The following AKIP1 variants were observed in gnomAD, a reference collection of about 807,000 sequenced individuals.
AKIP1 encodes the protein A-kinase interacting protein 1.
AKIP1 carries 18 observed loss-of-function variants against 22.3 expected under a neutral mutation model. The ratio of observed to expected loss-of-function variants is 0.81; its 90% CI spans 0.56 to 1.19. AKIP1 has a LOEUF of 1.19. AKIP1 is among the 50% of genes most tolerant of loss of function. AKIP1 has a pLI of 0.00. For missense variants in AKIP1, 287 were observed against 264.6 expected, an observed-to-expected ratio of 1.08 and a Z score of -0.59; for synonymous variants, 120 against 102.7, an observed-to-expected ratio of 1.17 and a Z score of -1.02.
At chr11:8,917,491 C>T (rs1298322158) in intron 5 of AKIP1, 124 bp downstream of exon 5, 2 of 790,980 alleles carry the variant, frequency 2.5e-6, no homozygotes. Context: ...GATGTTCTTA[C>T]ACTTAAGAAG....
At chr11:8,914,585 G>A (rs749496399) in intron 3 of AKIP1, among the ~76,000 whole-genome samples, 7 of 152,164 alleles carry the variant, frequency 4.6e-5, no homozygotes, top group Non-Finnish European at 8.8e-5. Context: ...GTTAGCCAGC[G>A]TTCTTGCCCT....
intron 5 of AKIP1, among the ~76,000 whole-genome samples, chr11:8,918,287 T>G (rs954433942): frequency 6.6e-6 from 1 of 152,220 alleles, no homozygotes; most frequent in African/African-American, 2.4e-5. Context: ...GTCATACACA[T>G]TTACGTCAGT....
chr11:8,916,320 CA>C (rs2064485563), intron 4 of AKIP1, among the ~76,000 whole-genome samples: 1 of 152,076 alleles, frequency 6.6e-6, no homozygotes, highest in Admixed American at 6.6e-5. Flanking sequence ...TCTCTTTTAA[CA>C]AAATACTTTT....
intron 2 of AKIP1, 144 bp downstream of exon 2, chr11:8,911,815 C>A: frequency 1.3e-6 from 1 of 791,704 alleles, no homozygotes; most frequent in East Asian, 2.8e-5. Context: ...ATGGAAAAGT[C>A]CTTTCAAAAC....
intron 5 of AKIP1, 111 bp from the exon 6 acceptor site, chr11:8,919,226 A>G: frequency 1.9e-6 from 2 of 1,041,708 alleles, no homozygotes; most frequent in South Asian, 1.6e-5. Flanking sequence ...TGTCTCCCAC[A>G]TTAGCGCTTC....
At chr11:8,911,267 A>C (rs977795725) in intron 1 of AKIP1, 44 bp downstream of exon 1, 2 of 596,972 alleles carry the variant, frequency 3.4e-6, no homozygotes, top group Non-Finnish European at 2.9e-6. Context: ...ATGAAAATGG[A>C]AGGGGCGGGC....
intron 1 of AKIP1, 88 bp downstream of exon 1, chr11:8,911,311 G>C: frequency 1.3e-6 from 1 of 763,220 alleles, no homozygotes; most frequent in South Asian, 1.8e-5. Context: ...GCTCCCGCTG[G>C]AGTGTGCGTT....
rs1051263698 is a variant in AKIP1, at chr11:8,911,224, G to A, written c.-7+1G>A. On this transcript the variant is annotated splice_donor_variant, in intron 1 of 5. Coordinates refer to ENST00000309377, the MANE Select transcript of AKIP1 (RefSeq NM_020642.4). LOFTEE classifies it low-confidence loss of function (5UTR_SPLICE). ...GCATGCGCCTTGACGAGTGAGCCGG[G>A]TGAGGGGGCTCCCTAAGTAGCGGAA... 1.4e-5 allele frequency: 8 copies of A among 561,870 alleles called. No homozygotes were observed. Among genetic ancestry groups the A allele is most frequent in the African/African-American group, 1.1e-4 (6 of 52,844 alleles). 34.8% of individuals were successfully genotyped at this position (561,870 alleles called of 1,614,324 possible).
In AKIP1 at chr11:8,917,388, G is replaced by A. The variant is rs200599241; in HGVS notation, c.489+21G>A. ...AGCCTGTGAGTACGGAACTGCTTAC[G>A]CACTGGGTTTCACCACCGTTGCAAC... On this transcript the variant is annotated intron_variant, in intron 5 of 5. Coordinates refer to ENST00000309377, the MANE Select transcript of AKIP1 (RefSeq NM_020642.4). The A allele has an allele frequency of 6.0e-5, 95 of 1,596,372 alleles. 1 individual carries two copies. In the East Asian group the frequency reaches 8.5e-4, roughly 14 times the overall value.
rs1209645956 is a variant in AKIP1 at position 8,914,844 on chromosome 11, C to T, written c.322C>T (p.Pro108Ser). Reference protein sequence around the residue: ...SQCGKYYSSVPEEGGATHVYR... With the variant: ...SQCGKYYSSVSEEGGATHVYR... ...TCTCTAGAAATATTATTCATCTGTGCCAGAGGAAGGAGGGGCAACCCATGT... is the reference window on the plus strand; with the variant it reads ...TCTCTAGAAATATTATTCATCTGTGTCAGAGGAAGGAGGGGCAACCCATGT... Residue 108 changes from proline (P) to serine (S), a missense_variant, in exon 4 of 6, where the codon CCA becomes TCA. Physicochemically the swap from Pro to Ser is moderately conservative, Grantham distance 74. Coordinates refer to ENST00000309377, the MANE Select transcript of AKIP1 (RefSeq NM_020642.4). 2.5e-6 allele frequency: 4 copies of T among 1,611,860 alleles called. No homozygotes were observed. Among genetic ancestry groups the T allele is most frequent in the Admixed American group, 1.7e-5 (1 of 60,006 alleles).
chr11:8,911,704 C>T (rs1555224630), intron 2 of AKIP1, 33 bp downstream of exon 2: 1 of 1,469,010 alleles, frequency 6.8e-7, no homozygotes, highest in Non-Finnish European at 9.0e-7. Flanking sequence ...CCGCCCCAGT[C>T]CTTCGCGCCG....
At chr11:8,917,922 T>G in intron 5 of AKIP1, 1 of 155,836 alleles carries the variant, frequency 6.4e-6, no homozygotes, top group East Asian at 1.9e-4. Flanking sequence ...GGGCTAGAAT[T>G]CTGAGGAAAG....
At chr11:8,915,181 G>T (rs1006029050) in intron 4 of AKIP1, among the ~76,000 whole-genome samples, 1 of 152,050 alleles carries the variant, frequency 6.6e-6, no homozygotes, top group Non-Finnish European at 1.5e-5. Context: ...TGGGCCATGG[G>T]ATTCTCCAGC....
chr11:8,919,803 T>A lies in AKIP1; in HGVS notation c.*323T>A. On this transcript the variant is annotated 3_prime_UTR_variant, in exon 6 of 6. Coordinates refer to ENST00000309377, the MANE Select transcript of AKIP1 (RefSeq NM_020642.4). ...AGGCACCCGCCACCATGCCCGGCTA[T>A]TTTTTTTGTATTTTTAGTAGAGACG... is the stretch of plus-strand genomic sequence containing the variant. 2 of 201,970 alleles carry A rather than the reference T, an allele frequency of 9.9e-6. No homozygotes were observed. The highest frequency in any genetic ancestry group is 2.0e-5 in the Non-Finnish European group (2 of 99,368). 12.5% of individuals were successfully genotyped at this position (201,970 alleles called of 1,614,324 possible).
In AKIP1 at chr11:8,912,553, A is replaced by G. The variant is rs768554484; in HGVS notation, c.303+20A>G. 2.5e-6 allele frequency: 4 copies of G among 1,603,074 alleles called. No individual in the cohort carries two copies. The highest frequency in any genetic ancestry group is 2.2e-5 in the South Asian group (2 of 90,848). ...TGTGGGGTAAGTTGGTGTGAACCAA[A>G]ACTATGCCCCATCACCTGCTGATGG... is the stretch of plus-strand genomic sequence containing the variant. On this transcript the variant is annotated intron_variant, in intron 3 of 5. Transcript: ENST00000309377.
At chr11:8,916,024 G>A (rs2134811688) in intron 4 of AKIP1, among the ~76,000 whole-genome samples, 1 of 151,962 alleles carries the variant, frequency 6.6e-6, no homozygotes, top group Non-Finnish European at 1.5e-5. Flanking sequence ...GTTTCGCTGT[G>A]TTAGCCAGGA....
chr11:8,919,053 T>G (rs1196277083), intron 5 of AKIP1, among the ~76,000 whole-genome samples: 1 of 152,260 alleles, frequency 6.6e-6, no homozygotes, highest in East Asian at 1.9e-4. Flanking sequence ...TAGAGTGTTC[T>G]TTTTATAATC....
At position 8,919,455 on chromosome 11, in the gene AKIP1, G is replaced by A. The variant is rs531227382; in HGVS notation, c.608G>A (p.Ser203Asn). ...GTGGTAGCAGTTGATTCTGGACAAA[G>A]CGTGGACCTGGTCTTCCCTGTGTGA... The part of the protein sequence containing the change: ...THVVAVDSGQ[S>N]VDLVFPV Residue 203 changes from serine to asparagine, a missense_variant, in exon 6 of 6, where the codon AGC (serine) becomes AAC (asparagine). Transcript: ENST00000309377. 6.2e-7 allele frequency: 1 copy of A among 1,614,126 alleles called. No individual in the cohort carries two copies. Among genetic ancestry groups the A allele is most frequent in the South Asian group, 1.1e-5 (1 of 91,056 alleles).
chr11:8,911,814 T>C, intron 2 of AKIP1, 143 bp downstream of exon 2: 1 of 838,894 alleles, frequency 1.2e-6, no homozygotes, highest in South Asian at 2.0e-5. Context: ...AATGGAAAAG[T>C]CCTTTCAAAA....
Sources: gnomAD v4.1 joint callset for allele counts (sites outside exome capture counted in the v4.1 genomes callset) on GRCh38, gnomAD v4.1.1 for gene constraint, MANE v1.5 for transcripts, NCBI Gene and HGNC (gene_info 2026-07-23, HGNC 2026-07-21) for gene names.